CAMK1D: variants seen among roughly 807,000 people sequenced by gnomAD.
The protein encoded by CAMK1D is calcium/calmodulin dependent protein kinase ID, also known as calcium/calmodulin-dependent protein kinase type 1D.
CAMK1D carries 9 observed loss-of-function variants against 47.7 expected under a neutral mutation model. The ratio of observed to expected loss-of-function variants is 0.19; its 90% CI spans 0.11 to 0.33. The LOEUF (loss-of-function observed/expected upper bound fraction) is 0.33. Ranked by LOEUF, CAMK1D falls within the 10% of genes least tolerant of loss-of-function variation. The pLI, the probability that CAMK1D is intolerant of heterozygous loss-of-function variation, is 1.00. For missense variants in CAMK1D, 291 were observed against 488.7 expected (o/e 0.60, Z 3.81); for synonymous variants, 184 against 184.9 (o/e 0.99, Z 0.04).
intron 2 of CAMK1D, among the ~76,000 whole-genome samples, chr10:12,569,553 A>AC (rs1837251529): frequency 1.2e-5 from 1 of 83,160 alleles, no homozygotes; most frequent in South Asian, 3.7e-4. Context: ...TACTAAAAAT[A>AC]CAAAAAAAAA....
chr10:12,419,920 A>G (rs965548750), intron 1 of CAMK1D, among the ~76,000 whole-genome samples: 3 of 150,830 alleles, frequency 2.0e-5, no homozygotes, highest in Non-Finnish European at 4.4e-5. Flanking sequence ...TAGATAGAAT[A>G]CTTTTTTCAG....
intron 2 of CAMK1D, among the ~76,000 whole-genome samples, chr10:12,613,008 T>A (rs1220600489): frequency 6.6e-6 from 1 of 152,094 alleles, no homozygotes; most frequent in East Asian, 1.9e-4. Context: ...AGATGGTGTT[T>A]GGGGTGGTGC....
intron 2 of CAMK1D, among the ~76,000 whole-genome samples, chr10:12,639,130 C>A (rs1368930509): frequency 1.3e-5 from 2 of 152,240 alleles, no homozygotes; most frequent in Non-Finnish European, 2.9e-5. Context: ...GGACCTCCCG[C>A]CTCAGAAAGA....
intron 2 of CAMK1D, among the ~76,000 whole-genome samples, chr10:12,568,626 TC>T (rs1178499125): frequency 6.8e-6 from 1 of 147,388 alleles, no homozygotes. Context: ...TTTTTATTCA[TC>T]TTTTTTTGTT....
intron 3 of CAMK1D, among the ~76,000 whole-genome samples, chr10:12,703,862 C>T (rs1444658964): frequency 6.7e-6 from 1 of 149,728 alleles, no homozygotes; most frequent in Non-Finnish European, 1.5e-5. Flanking sequence ...GATCGAGACT[C>T]CGTCTCAAAA....
intron 1 of CAMK1D, among the ~76,000 whole-genome samples, chr10:12,505,643 A>G (rs938870960): frequency 6.6e-6 from 1 of 152,180 alleles, no homozygotes; most frequent in Admixed American, 6.5e-5. Flanking sequence ...TTTCACAACA[A>G]AGAATACATA....
At chr10:12,712,634 G>T (rs1439044664) in intron 3 of CAMK1D, among the ~76,000 whole-genome samples, 1 of 152,076 alleles carries the variant, frequency 6.6e-6, no homozygotes, top group African/African-American at 2.4e-5. Flanking sequence ...ATCGCATCCT[G>T]GGGGCCCCAT....
intron 1 of CAMK1D, among the ~76,000 whole-genome samples, chr10:12,451,108 C>T (rs1833071038): frequency 6.6e-6 from 1 of 152,160 alleles, no homozygotes. Flanking sequence ...GGCTGAGGGG[C>T]CAGGCAGGTG....
At chr10:12,815,357 T>C (rs1298506381) in intron 7 of CAMK1D, among the ~76,000 whole-genome samples, 1 of 152,228 alleles carries the variant, frequency 6.6e-6, no homozygotes, top group Non-Finnish European at 1.5e-5. Flanking sequence ...AATGGGACAA[T>C]GCGTTCTAGT....
chr10:12,631,015 G>A (rs112698042), intron 2 of CAMK1D, among the ~76,000 whole-genome samples: 2,238 of 152,224 alleles, frequency 0.015, 57 homozygotes, highest in African/African-American at 0.051. Flanking sequence ...TGTCTCAAGG[G>A]TGCAGCCTTT....
intron 1 of CAMK1D, among the ~76,000 whole-genome samples, chr10:12,374,506 C>G (rs767806956): frequency 7.9e-5 from 12 of 152,206 alleles, no homozygotes; most frequent in Non-Finnish European, 1.6e-4. Context: ...ACCACTGATT[C>G]TTCAGGGCCA....
intron 1 of CAMK1D, among the ~76,000 whole-genome samples, chr10:12,406,957 T>C (rs1839453746): frequency 6.6e-6 from 1 of 152,144 alleles, no homozygotes; most frequent in South Asian, 2.1e-4. Context: ...CACATCTTGA[T>C]ACCGCAGACT....
chr10:12,787,805 C>T (rs182398468), intron 5 of CAMK1D, among the ~76,000 whole-genome samples: 3,052 of 152,100 alleles, frequency 0.02, 40 homozygotes, highest in Admixed American at 0.042. Context: ...TTCGAGACCA[C>T]CCTGCCCAAC....
intron 1 of CAMK1D, among the ~76,000 whole-genome samples, chr10:12,424,800 C>A (rs534443519): frequency 6.6e-6 from 1 of 152,184 alleles, no homozygotes; most frequent in African/African-American, 2.4e-5. Flanking sequence ...CAGAGCGAGA[C>A]CCCATCTCAC....
intron 1 of CAMK1D, among the ~76,000 whole-genome samples, chr10:12,367,719 C>T (rs971498925): frequency 2.0e-5 from 3 of 152,014 alleles, no homozygotes; most frequent in East Asian, 3.8e-4. Flanking sequence ...CTAATGCCAC[C>T]GCTGACTGAA....
intron 1 of CAMK1D, among the ~76,000 whole-genome samples, chr10:12,525,253 C>T (rs557190802): frequency 4.6e-5 from 7 of 152,288 alleles, no homozygotes; most frequent in African/African-American, 1.7e-4. Context: ...CTTCTGTAAT[C>T]AGTACCTAAT....
At chr10:12,663,376 A>C (rs1378832803) in intron 2 of CAMK1D, among the ~76,000 whole-genome samples, 3 of 152,200 alleles carry the variant, frequency 2.0e-5, no homozygotes, top group Non-Finnish European at 4.4e-5. Flanking sequence ...AATGAGAAGA[A>C]TATAAACCGT....
At chr10:12,515,300 G>A (rs1055976094) in intron 1 of CAMK1D, among the ~76,000 whole-genome samples, 2 of 151,236 alleles carry the variant, frequency 1.3e-5, no homozygotes, top group Non-Finnish European at 2.9e-5. Flanking sequence ...CCATAACTTC[G>A]CCAGATTCCC....
intron 3 of CAMK1D, among the ~76,000 whole-genome samples, chr10:12,724,105 C>T (rs569391062): frequency 2.2e-4 from 33 of 152,256 alleles, no homozygotes; most frequent in African/African-American, 7.0e-4. Flanking sequence ...TCTCGTGCCT[C>T]GGCCTCCCGA....
Sources: gnomAD v4.1 joint callset for allele counts (sites outside exome capture counted in the v4.1 genomes callset) on GRCh38, gnomAD v4.1.1 for gene constraint, MANE v1.5 for transcripts, NCBI Gene and HGNC (gene_info 2026-07-23, HGNC 2026-07-21) for gene names.